Variants in TGIF2 observed in about 807,000 individuals in gnomAD.
The protein encoded by TGIF2 is homeobox protein TGIF2.
A neutral mutation model predicts 15.1 loss-of-function variants in TGIF2; 5 were observed. The observed-to-expected ratio is 0.33, with a 90% CI of 0.17 to 0.70. TGIF2 has a LOEUF of 0.70. Among genes scored for constraint, TGIF2 ranks in the 30% least tolerant of loss-of-function variants. The pLI is 0.67. For synonymous variants in TGIF2, 131 were observed against 128.9 expected (o/e 1.02, Z -0.11); for missense variants, 264 against 302.5 (o/e 0.87, Z 0.94).
intron 1 of TGIF2, among the ~76,000 whole-genome samples, chr20:36,577,242 C>G (rs1050581434): frequency 6.6e-6 from 1 of 151,988 alleles, no homozygotes; most frequent in Non-Finnish European, 1.5e-5. Flanking sequence ...CTCTGTCACC[C>G]AGGCTGGAGT....
chr20:36,587,262 A>G lies in TGIF2; in HGVS notation c.193-3648A>G, dbSNP rs548325644. On this transcript the variant is annotated intron_variant, in intron 2 of 2. Transcript: ENST00000373872. ...CAGACAGATGCTAGGCTGCCAAGTG[A>G]TCTGGACAGGACAGTCTTGTGGGGG... 2.0e-5 allele frequency among the ~76,000 whole-genome samples: 3 copies of G among 152,294 alleles called. No homozygotes were observed. In the East Asian group the frequency reaches 5.8e-4, roughly 29 times the overall value.
chr20:36,581,953 C>T (rs1449265450), intron 2 of TGIF2, among the ~76,000 whole-genome samples: 1 of 151,060 alleles, frequency 6.6e-6, no homozygotes, highest in African/African-American at 2.4e-5. Context: ...AAACATTTTT[C>T]GGCCGGGAAT....
chr20:36,590,800 C>A, intron 2 of TGIF2, 110 bp from the exon 3 acceptor site: 1 of 1,237,602 alleles, frequency 8.1e-7, no homozygotes, highest in Non-Finnish European at 1.1e-6. Context: ...CTTAAGCAAT[C>A]CTCCCGCCTT....
At position 36,579,525 on chromosome 20, in the gene TGIF2, T is replaced by C. The variant is rs564501644; in HGVS notation, c.192+559T>C. 2.6e-5 allele frequency among the ~76,000 whole-genome samples: 4 copies of C among 152,270 alleles called. No individual in the cohort carries two copies. The South Asian group carries it at 8.3e-4, about 32-fold the overall frequency. On this transcript the variant is annotated intron_variant, in intron 2 of 2. Transcript: ENST00000373872. The stretch of plus-strand genomic sequence containing the variant: ...GAATTTAATGTTGTCAAAGTCTAGG[T>C]GTCATCCTTAACTTTGGAGGCCAAG...
chr20:36,578,369 C>T (rs2038474046), intron 1 of TGIF2, among the ~76,000 whole-genome samples: 4 of 150,522 alleles, frequency 2.7e-5, no homozygotes, highest in Non-Finnish European at 2.9e-5. Context: ...GCCAAGATGG[C>T]GCCACTGCAC....
chr20:36,576,777 C>G (rs1459127897), intron 1 of TGIF2, among the ~76,000 whole-genome samples: 1 of 152,176 alleles, frequency 6.6e-6, no homozygotes, highest in Non-Finnish European at 1.5e-5. Context: ...GTGATCTCAT[C>G]TCATTGCAAC....
At chr20:36,588,654 C>CCTG (rs767355434) in intron 2 of TGIF2, among the ~76,000 whole-genome samples, 20 of 152,120 alleles carry the variant, frequency 1.3e-4, no homozygotes, top group Non-Finnish European at 2.8e-4. Flanking sequence ...AAATAAGGAC[C>CCTG]CCAGAGCCAG....
Position 36,592,434 on chromosome 20 carries a change from A to G in TGIF2, c.*1003A>G, listed in dbSNP as rs1253689571. 4.0e-5 allele frequency: 6 copies of G among 151,354 alleles called. No individual in the cohort carries two copies. The highest frequency in any genetic ancestry group is 1.5e-4 in the African/African-American group (6 of 41,068). 9.4% of individuals were successfully genotyped at this position (151,354 alleles called of 1,614,324 possible). The stretch of plus-strand genomic sequence containing the variant: ...AGTGTTTTTCCCTTTGTTCTTGAAC[A>G]CTTTTGCCCTGCAGCCTCAGTTTTG... On this transcript the variant is annotated 3_prime_UTR_variant, in exon 3 of 3. Transcript: ENST00000373872.
chr20:36,578,690 A>G (rs2038481430), intron 1 of TGIF2, 51 bp from the exon 2 acceptor site: 2 of 1,501,410 alleles, frequency 1.3e-6, no homozygotes, highest in South Asian at 2.7e-5. Context: ...GAGACTAGGA[A>G]AAGGCGGTAC....
chr20:36,588,864 C>T (rs1016363102), intron 2 of TGIF2, among the ~76,000 whole-genome samples: 1 of 152,172 alleles, frequency 6.6e-6, no homozygotes, highest in Non-Finnish European at 1.5e-5. Flanking sequence ...GTCAAGCCAC[C>T]GTTTAGACCA....
Position 36,593,016 on chromosome 20 carries a change from A to G in TGIF2, c.*1585A>G, listed in dbSNP as rs1236951327. ...GAGACGGGGTTTCACCATCTTGGCC[A>G]GGCTGGTCTTGGAACTCCTGACCTC... On this transcript the variant is annotated 3_prime_UTR_variant, in exon 3 of 3. Transcript: ENST00000373872. 6.5e-6 allele frequency: 1 copy of G among 152,710 alleles called. No homozygotes were observed. The highest frequency in any genetic ancestry group is 1.9e-4 in the East Asian group (1 of 5,178). 9.5% of individuals were successfully genotyped at this position (152,710 alleles called of 1,614,324 possible).
At position 36,589,261 on chromosome 20, in the gene TGIF2, G is replaced by T. The variant is rs565006556; in HGVS notation, c.193-1649G>T. The stretch of plus-strand genomic sequence containing the variant: ...GGTGCACTATAAGCTCCACAGGGTG[G>T]AGTGCATGTCTGTTTAATTCACAAA... On this transcript the variant is annotated intron_variant, in intron 2 of 2. Coordinates refer to ENST00000373872, the MANE Select transcript of TGIF2 (RefSeq NM_021809.7). Among the ~76,000 whole-genome samples, 4 of 152,132 alleles carry T rather than the reference G, an allele frequency of 2.6e-5. No homozygotes were observed. The South Asian group carries it at 6.2e-4, about 24-fold the overall frequency.
chr20:36,578,101 A>G (rs1478713226), intron 1 of TGIF2, among the ~76,000 whole-genome samples: 1 of 152,180 alleles, frequency 6.6e-6, no homozygotes, highest in Admixed American at 6.6e-5. Context: ...GTAATGATTA[A>G]ATGAGATAAC....
At chr20:36,574,181 C>T (rs2147915011) in intron 1 of TGIF2, among the ~76,000 whole-genome samples, 1 of 151,694 alleles carries the variant, frequency 6.6e-6, no homozygotes, top group Admixed American at 6.5e-5. Flanking sequence ...GTGGGGGCCG[C>T]GGGAAGGGCC....
At position 36,592,755 on chromosome 20, in the gene TGIF2, G is replaced by A. The variant is rs6016004; in HGVS notation, c.*1324G>A. 0.91 allele frequency: 138,872 copies of A among 152,924 alleles called. 63,247 individuals are homozygous for A. The highest frequency in any genetic ancestry group is 0.94 in the African/African-American group (39,207 of 41,566). The allele number at this position is 152,924 out of a possible 1,614,324, so 9.5% of individuals were successfully genotyped here. A position where few individuals can be genotyped will look rare whatever the true frequency, so the allele number is the denominator to read the frequency against. ...AGCCCCTGCCCAGTGAACAGATAAC[G>A]ATTGGTCTTATGCTCCTCCCTTTCC... On this transcript the variant is annotated 3_prime_UTR_variant, in exon 3 of 3. Coordinates refer to ENST00000373872, the MANE Select transcript of TGIF2 (RefSeq NM_021809.7).
chr20:36,588,355 CTTTTTTTTTTTTTTTTT>C (rs397802665), intron 2 of TGIF2, among the ~76,000 whole-genome samples: 1 of 60,384 alleles, frequency 1.7e-5, no homozygotes, highest in Non-Finnish European at 2.9e-5. Context: ...GCCCTTCCTT[CTTTTTTTTTTTTTTTTT>C]TTTTTTTTTT....
At chr20:36,579,873 C>T (rs2038509106) in intron 2 of TGIF2, among the ~76,000 whole-genome samples, 4 of 152,200 alleles carry the variant, frequency 2.6e-5, no homozygotes, top group African/African-American at 9.7e-5. Flanking sequence ...AAAAGATAGC[C>T]TTATCCCCTT....
Position 36,593,202 on chromosome 20 carries a change from G to A in TGIF2, c.*1771G>A, listed in dbSNP as rs1329592310. 2.0e-5 allele frequency: 3 copies of A among 152,580 alleles called. No individual in the cohort carries two copies. The highest frequency in any genetic ancestry group is 3.2e-3 in the Middle Eastern group (1 of 316). The allele number at this position is 152,580 out of a possible 1,614,324, so 9.5% of individuals were successfully genotyped here. A position where few individuals can be genotyped will look rare whatever the true frequency, so the allele number is the denominator to read the frequency against. ...ACTGGGCCAAAAGATAGATCAGGAC[G>A]ACAGCCTTTAGTTTTCCTGAAATCA... is the stretch of plus-strand genomic sequence containing the variant. On this transcript the variant is annotated 3_prime_UTR_variant, in exon 3 of 3. Transcript: ENST00000373872.
intron 2 of TGIF2, among the ~76,000 whole-genome samples, chr20:36,582,885 G>A (rs2038574608): frequency 6.6e-6 from 1 of 152,256 alleles, no homozygotes; most frequent in East Asian, 1.9e-4. Context: ...ACCAGCTCCT[G>A]TACAAATACC....
Sources: allele counts gnomAD v4.1 joint callset (sites outside exome capture counted in the v4.1 genomes callset), GRCh38; gene constraint gnomAD v4.1.1; transcripts MANE v1.5; gene names NCBI Gene and HGNC (gene_info 2026-07-23, HGNC 2026-07-21).